DET1: variants seen among roughly 807,000 people sequenced by gnomAD.
The protein encoded by DET1 is DET1 partner of COP1 E3 ubiquitin ligase.
Under a neutral mutation model 43.7 loss-of-function variants are expected in DET1, and 22 were observed. The observed-to-expected ratio is 0.50, with a 90% CI of 0.36 to 0.72. The LOEUF is 0.72. Ranked by LOEUF, DET1 falls within the 30% of genes least tolerant of loss-of-function variation. The pLI, the probability that DET1 is intolerant of heterozygous loss-of-function variation, is 0.00. For missense variants in DET1, 713 were observed against 713.3 expected, an observed-to-expected ratio of 1.00 and a Z score of 0.00; for synonymous variants, 315 against 266.2, an observed-to-expected ratio of 1.18 and a Z score of -1.79.
intron 8 of DET1, chr15:88,501,946 G>C (rs1442439073): frequency 6.6e-6 from 1 of 152,196 alleles, no homozygotes; most frequent in African/African-American, 2.4e-5. Context: ...TTTTATTTCA[G>C]CAGCTTTTGG....
At chr15:88,511,097 T>C (rs1192647438), downstream of DET1, among the ~76,000 whole-genome samples, 1 of 152,126 alleles carries the variant, frequency 6.6e-6, no homozygotes, top group African/African-American at 2.4e-5. Flanking sequence ...TAATACATAA[T>C]TAGAATCATC....
chr15:88,542,933 T>A (rs1044759439), intron 1 of DET1, among the ~76,000 whole-genome samples: 1 of 152,186 alleles, frequency 6.6e-6, no homozygotes, highest in Non-Finnish European at 1.5e-5. Context: ...TCACCCTGCC[T>A]GCAACAGAAG....
chr15:88,521,452 G>C (rs1168224060), intron 3 of DET1, among the ~76,000 whole-genome samples: 1 of 152,190 alleles, frequency 6.6e-6, no homozygotes, highest in Non-Finnish European at 1.5e-5. Flanking sequence ...CAAATGGTCT[G>C]ACAGGTGGAC....
chr15:88,524,942 C>G (rs1034150313), intron 3 of DET1, among the ~76,000 whole-genome samples: 1 of 151,816 alleles, frequency 6.6e-6, no homozygotes, highest in African/African-American at 2.4e-5. Flanking sequence ...CAAGAATGAT[C>G]AATAAATACT....
intron 1 of DET1, among the ~76,000 whole-genome samples, chr15:88,532,900 A>T (rs2056852681): frequency 6.6e-6 from 1 of 152,254 alleles, no homozygotes; most frequent in Admixed American, 6.5e-5. Flanking sequence ...CTTGGATAAG[A>T]CACAAAAGGC....
At chr15:88,539,788 T>C (rs1397107673) in intron 1 of DET1, among the ~76,000 whole-genome samples, 2 of 152,194 alleles carry the variant, frequency 1.3e-5, no homozygotes, top group African/African-American at 2.4e-5. Flanking sequence ...TCTGGCACCA[T>C]GGAAGTTGTG....
intron 1 of DET1, among the ~76,000 whole-genome samples, chr15:88,536,091 T>C (rs1311265287): frequency 6.6e-6 from 1 of 152,188 alleles, no homozygotes; most frequent in Non-Finnish European, 1.5e-5. Context: ...ACAATTCAAA[T>C]GTCTGTAGAT....
At chr15:88,506,263 C>T (rs2056140114) in intron 7 of DET1, among the ~76,000 whole-genome samples, 1 of 152,176 alleles carries the variant, frequency 6.6e-6, no homozygotes, top group African/African-American at 2.4e-5. Context: ...TCATCATGCC[C>T]AGGGGTACAT....
intron 1 of DET1, among the ~76,000 whole-genome samples, chr15:88,534,898 A>T (rs2033885): frequency 1 from 151,836 of 152,328 alleles, 75,682 homozygotes; most frequent in Non-Finnish European, 1. Context: ...ATGTCTAGGA[A>T]ACAATCCAAA....
Position 88,516,428 on chromosome 15 carries a change from TA to T in DET1, c.1463+353del, listed in dbSNP as rs1194193745. Among the ~76,000 whole-genome samples, 15 of 152,344 alleles carry T rather than the reference TA, an allele frequency of 9.8e-5. No individual in the cohort carries two copies. Among genetic ancestry groups the T allele is most frequent in the Non-Finnish European group, 1.6e-4 (11 of 68,030 alleles). ...TTTTCTATGAGGTAACATGGCGGGA[TA>T]AAATAATTTGTGTTAGATACATAAT... is the stretch of plus-strand genomic sequence containing the variant. On this transcript the variant is annotated intron_variant, in intron 4 of 4. Coordinates refer to ENST00000268148, the MANE Select transcript of DET1 (RefSeq NM_001144074.3). This position sits in a 1 kb window ranked among gnomAD's most constrained non-coding sequence, Gnocchi z 4.4.
chr15:88,523,964 A>T (rs1259947856), intron 3 of DET1, among the ~76,000 whole-genome samples: 1 of 138,166 alleles, frequency 7.2e-6, no homozygotes, highest in South Asian at 2.4e-4. Flanking sequence ...GAGCGTCTCC[A>T]CCCGGCCGCC....
intron 1 of DET1, among the ~76,000 whole-genome samples, chr15:88,540,305 G>C (rs1382127800): frequency 6.6e-6 from 1 of 152,100 alleles, no homozygotes; most frequent in Non-Finnish European, 1.5e-5. Context: ...CAATCTTAAA[G>C]CTACAGCAAT....
chr15:88,517,243 T>TTTTG (rs2056370890), intron 3 of DET1, among the ~76,000 whole-genome samples: 1 of 149,778 alleles, frequency 6.7e-6, no homozygotes, highest in African/African-American at 2.5e-5. Context: ...TTTTTTTTTT[T>TTTTG]GAGACAGGGT....
intron 1 of DET1, among the ~76,000 whole-genome samples, chr15:88,535,150 T>A (rs1247387925): frequency 2.6e-5 from 4 of 152,092 alleles, no homozygotes; most frequent in Non-Finnish European, 5.9e-5. Context: ...GAAAAAGCAA[T>A]AACCAGCATA....
Position 88,530,860 on chromosome 15 carries a change from G to A in DET1, c.846C>T (p.Gly282=), listed in dbSNP as rs766750497. The change falls in exon 2 of 5, where the codon GGC becomes GGT. Residue 282 remains glycine, a synonymous_variant. Transcript: ENST00000268148. The part of the protein sequence containing the change: ...FPEVQRDSQT[G]MANPFRDPFI... ...AAGGATCCCTAAAGGGATTGGCCAT[G>A]CCTGTCTGACTGTCCCGCTGTACCT... 6 of 1,613,906 alleles carry A rather than the reference G, an allele frequency of 3.7e-6. No individual in the cohort carries two copies. In the Admixed American group the frequency reaches 8.3e-5, roughly 22 times the overall value.
chr15:88,523,902 C>T (rs1343207168), intron 3 of DET1, among the ~76,000 whole-genome samples: 17 of 150,950 alleles, frequency 1.1e-4, no homozygotes, highest in South Asian at 6.4e-4. Flanking sequence ...GGCCGCCCAT[C>T]GTCTGGGATG....
rs527387103 is a variant in DET1 at position 88,521,599 on chromosome 15, T to G, written c.1272-4626A>C. Among the ~76,000 whole-genome samples, 3 of 152,284 alleles carry G rather than the reference T, an allele frequency of 2.0e-5. No homozygotes were observed. The East Asian group carries it at 5.8e-4, about 29-fold the overall frequency. The stretch of plus-strand genomic sequence containing the variant: ...CATAGGCTTCCTTAGAAAAGGTACA[T>G]GAGAGGTAATCTTTTCAGACTTCAC... On this transcript the variant is annotated intron_variant, in intron 3 of 4. Transcript: ENST00000268148.
In DET1 at chr15:88,512,918, G is replaced by A. The variant is rs944435988; in HGVS notation, c.*33C>T. On this transcript the variant is annotated 3_prime_UTR_variant, in exon 5 of 5. Coordinates refer to ENST00000268148, the MANE Select transcript of DET1 (RefSeq NM_001144074.3). ...TGAGATAAGTGAGTGGCAAAGTCTT[G>A]GAAGACCAGATAATCTGGCTCTGGT... 41 of 1,606,808 alleles carry A rather than the reference G, an allele frequency of 2.6e-5. No individual in the cohort carries two copies. The highest frequency in any genetic ancestry group is 3.3e-5 in the Non-Finnish European group (39 of 1,174,596).
At chr15:88,511,519 C>G (rs2056201046), downstream of DET1, 2 of 985,500 alleles carry the variant, frequency 2.0e-6, no homozygotes, top group Non-Finnish European at 2.4e-6. Context: ...TCCCATTGAT[C>G]CAACTCCAGT....
Sources: allele counts gnomAD v4.1 joint callset (sites outside exome capture counted in the v4.1 genomes callset), GRCh38; gene constraint gnomAD v4.1.1; non-coding constraint Gnocchi (gnomAD v3.1); transcripts MANE v1.5; gene names NCBI Gene and HGNC (gene_info 2026-07-23, HGNC 2026-07-21).